The following NKAIN3 variants were observed in gnomAD, a reference collection of about 807,000 sequenced individuals.
NKAIN3 encodes sodium/potassium-transporting ATPase subunit beta-1-interacting protein 3.
Under a neutral mutation model 30.2 loss-of-function variants are expected in NKAIN3, and 25 were observed. The ratio of observed to expected loss-of-function variants is 0.83; its 90% CI spans 0.60 to 1.16. NKAIN3 has a LOEUF of 1.16. Among genes scored for constraint, NKAIN3 ranks in the 50% most tolerant of loss-of-function variants. The probability of loss-of-function intolerance (pLI) is 0.00; values close to 1 mark genes in which losing one functional copy is unlikely to be tolerated. For missense variants in NKAIN3, 225 were observed against 254.1 expected (o/e 0.89, Z 0.78); for synonymous variants, 91 against 89.6 (o/e 1.02, Z -0.09).
chr8:62,855,683 C>T (rs1363701824), intron 4 of NKAIN3: 4 of 1,602,558 alleles, frequency 2.5e-6, no homozygotes, highest in African/African-American at 1.3e-5. Flanking sequence ...GTTCTCAAAG[C>T]TGTCACTTCT....
intron 1 of NKAIN3, among the ~76,000 whole-genome samples, chr8:62,552,823 G>T (rs1809258255): frequency 1.3e-5 from 2 of 152,178 alleles, no homozygotes; most frequent in South Asian, 4.1e-4. Context: ...TCACTAGAAG[G>T]TGATTCTGAA....
chr8:62,818,193 A>G (rs62509401), intron 4 of NKAIN3, among the ~76,000 whole-genome samples: 26,653 of 152,068 alleles, frequency 0.18, 2,546 homozygotes, highest in East Asian at 0.29. Flanking sequence ...ACCAATATCA[A>G]TTCCTTGTTT....
intron 1 of NKAIN3, among the ~76,000 whole-genome samples, chr8:62,488,754 A>G (rs187552138): frequency 6.6e-6 from 1 of 152,316 alleles, no homozygotes; most frequent in East Asian, 1.9e-4. Context: ...ACCATATTTT[A>G]TTGTGAGCAA....
intron 1 of NKAIN3, among the ~76,000 whole-genome samples, chr8:62,541,272 C>A (rs1472864962): frequency 2.6e-5 from 4 of 152,092 alleles, no homozygotes; most frequent in Admixed American, 2.6e-4. Flanking sequence ...AAGTCAAGAT[C>A]TCACCACTGC....
chr8:62,829,293 T>C (rs577916151), intron 4 of NKAIN3, among the ~76,000 whole-genome samples: 43 of 152,238 alleles, frequency 2.8e-4, no homozygotes, highest in African/African-American at 9.1e-4. Context: ...GAATTGGGGA[T>C]CCAGAAACTC....
At chr8:62,623,379 A>G (rs1471216740) in intron 3 of NKAIN3, among the ~76,000 whole-genome samples, 1 of 152,132 alleles carries the variant, frequency 6.6e-6, no homozygotes. Context: ...GATCTTAAAT[A>G]AAACAGTATA....
chr8:62,285,620 T>C (rs755600681), intron 1 of NKAIN3, among the ~76,000 whole-genome samples: 1 of 152,134 alleles, frequency 6.6e-6, no homozygotes, highest in East Asian at 1.9e-4. Flanking sequence ...GAGCTCTCTG[T>C]GTGAGCATAG....
At chr8:62,691,693 G>A (rs950007355) in intron 3 of NKAIN3, among the ~76,000 whole-genome samples, 12 of 152,144 alleles carry the variant, frequency 7.9e-5, no homozygotes, top group Non-Finnish European at 1.2e-4. Context: ...CCACTCACCT[G>A]TACAAAAGGA....
At chr8:62,348,409 G>A (rs1004345739) in intron 1 of NKAIN3, among the ~76,000 whole-genome samples, 4 of 152,198 alleles carry the variant, frequency 2.6e-5, no homozygotes, top group Non-Finnish European at 5.9e-5. Context: ...TGGCTTGCAT[G>A]ATGGAAAAGA....
Position 62,667,353 on chromosome 8 carries a change from A to ATG in NKAIN3, c.273+77560_273+77561insGT, listed in dbSNP as rs1339772503. Among the ~76,000 whole-genome samples, 282 of 76,642 alleles carry ATG rather than the reference A, an allele frequency of 3.7e-3. 2 individuals are homozygous for ATG. Among genetic ancestry groups the ATG allele is most frequent in the African/African-American group, 0.018 (277 of 15,440 alleles). The allele number at this position is 76,642 out of a possible 152,430, so 50.3% of individuals were successfully genotyped here. A position where few individuals can be genotyped will look rare whatever the true frequency, so the allele number is the denominator to read the frequency against. On this transcript the variant is annotated intron_variant, in intron 3 of 6. Coordinates refer to ENST00000623646, the MANE Select transcript of NKAIN3 (RefSeq NM_001304533.3). ...TTCTTTATATATATATTCTTTATAT[A>ATG]TATATCTGTATATATATATATAAAT...
At chr8:62,481,437 C>T (rs932705915) in intron 1 of NKAIN3, among the ~76,000 whole-genome samples, 4 of 152,030 alleles carry the variant, frequency 2.6e-5, no homozygotes, top group Non-Finnish European at 5.9e-5. Flanking sequence ...GTGCATAACT[C>T]TATCATTGGA....
intron 3 of NKAIN3, among the ~76,000 whole-genome samples, chr8:62,591,930 G>A (rs140706497): frequency 6.1e-4 from 92 of 152,010 alleles, no homozygotes; most frequent in African/African-American, 2.0e-3. Context: ...GAAACTCCTC[G>A]TCCATATGAG....
intron 4 of NKAIN3, among the ~76,000 whole-genome samples, chr8:62,787,441 A>G (rs556510966): frequency 1.3e-5 from 2 of 152,326 alleles, no homozygotes; most frequent in Admixed American, 6.5e-5. Flanking sequence ...AATCTCCAAT[A>G]GTTAGCCATG....
At chr8:62,324,044 G>T (rs774947819) in intron 1 of NKAIN3, among the ~76,000 whole-genome samples, 1 of 151,872 alleles carries the variant, frequency 6.6e-6, no homozygotes, top group African/African-American at 2.4e-5. Flanking sequence ...GTAATGATGG[G>T]CACTTACCTT....
intron 3 of NKAIN3, among the ~76,000 whole-genome samples, chr8:62,642,351 C>A (rs963898771): frequency 1.3e-5 from 2 of 152,058 alleles, no homozygotes; most frequent in African/African-American, 4.8e-5. Flanking sequence ...CAGTCCATTA[C>A]AAAGACATAA....
At chr8:62,856,846 C>A in intron 4 of NKAIN3, 1 of 601,122 alleles carries the variant, frequency 1.7e-6, no homozygotes, top group South Asian at 1.7e-5. Flanking sequence ...CAAGAGATCT[C>A]AAACACTGTT....
chr8:62,816,113 C>G lies in NKAIN3; in HGVS notation c.471+68984C>G, dbSNP rs368016813. On this transcript the variant is annotated intron_variant, in intron 4 of 6. Coordinates refer to ENST00000623646, the MANE Select transcript of NKAIN3 (RefSeq NM_001304533.3). Reference sequence around the variant, plus strand: ...CCTTGCTTTTTAATATTTCCTATGTCCCTACATTGACGTTTGTGCATCTGG... The same window carrying G: ...CCTTGCTTTTTAATATTTCCTATGTGCCTACATTGACGTTTGTGCATCTGG... 6.6e-5 allele frequency among the ~76,000 whole-genome samples: 10 copies of G among 152,204 alleles called. No individual in the cohort carries two copies. In the East Asian group the frequency reaches 7.7e-4, roughly 12 times the overall value.
chr8:62,640,478 A>G (rs920293414), intron 3 of NKAIN3, among the ~76,000 whole-genome samples: 3 of 152,088 alleles, frequency 2.0e-5, no homozygotes, highest in African/African-American at 7.2e-5. Flanking sequence ...TTTCTTATAA[A>G]TTGCCTAGTT....
At chr8:62,949,825 T>G (rs1015347412) in intron 5 of NKAIN3, among the ~76,000 whole-genome samples, 5 of 152,206 alleles carry the variant, frequency 3.3e-5, no homozygotes, top group African/African-American at 1.2e-4. Flanking sequence ...AGCTGTGCCC[T>G]GATGCTTCCT....
Sources: gnomAD v4.1 joint callset for allele counts (sites outside exome capture counted in the v4.1 genomes callset) on GRCh38, gnomAD v4.1.1 for gene constraint, MANE v1.5 for transcripts, NCBI Gene and HGNC (gene_info 2026-07-23, HGNC 2026-07-21) for gene names.